The following UGT1A10 variants were observed in gnomAD, a reference collection of about 807,000 sequenced individuals.
The protein encoded by UGT1A10 is UDP glucuronosyltransferase family 1 member A10.
Under a neutral mutation model 45.8 loss-of-function variants are expected in UGT1A10, and 49 were observed. The observed-to-expected ratio is 1.07, with a 90% CI of 0.85 to 1.36. The LOEUF is 1.36. UGT1A10 is among the 40% of genes most tolerant of loss of function. The probability of loss-of-function intolerance (pLI) is 0.00; values close to 1 mark genes in which losing one functional copy is unlikely to be tolerated. For synonymous variants in UGT1A10, 284 were observed against 249.7 expected (o/e 1.14, Z -1.29); for missense variants, 745 against 668.6 (o/e 1.11, Z -1.26).
intron 1 of UGT1A10, among the ~76,000 whole-genome samples, chr2:233,653,808 G>T (rs950928389): frequency 6.6e-6 from 1 of 152,208 alleles, no homozygotes; most frequent in African/African-American, 2.4e-5. Context: ...TGTTGGCCAG[G>T]TTGGTCTTGA....
intron 1 of UGT1A10, chr2:233,744,049 A>C: frequency 1.3e-4 from 90 of 678,678 alleles, no homozygotes; most frequent in Non-Finnish European, 1.7e-4. Flanking sequence ...GCCACATCTC[A>C]TTGGTCGAGG....
chr2:233,724,740 T>G (rs2077303271), intron 1 of UGT1A10, among the ~76,000 whole-genome samples: 1 of 140,730 alleles, frequency 7.1e-6, no homozygotes, highest in South Asian at 2.6e-4. Flanking sequence ...GAGGGGCTCC[T>G]CACATCCCAG....
intron 1 of UGT1A10, among the ~76,000 whole-genome samples, chr2:233,699,825 A>G (rs556434145): frequency 1.3e-5 from 2 of 152,320 alleles, no homozygotes; most frequent in South Asian, 2.1e-4. Flanking sequence ...GTAGTTCTCA[A>G]ATAGAACTAA....
chr2:233,667,535 A>T (rs2074103725), intron 1 of UGT1A10, among the ~76,000 whole-genome samples: 1 of 152,234 alleles, frequency 6.6e-6, no homozygotes, highest in African/African-American at 2.4e-5. Context: ...GACAAATGGG[A>T]TCTCATTAAA....
chr2:233,644,802 A>G (rs2073556196), intron 1 of UGT1A10, among the ~76,000 whole-genome samples: 1 of 151,906 alleles, frequency 6.6e-6, no homozygotes. Flanking sequence ...AGTGTCTCTG[A>G]GTTATATAAA....
At position 233,725,191 on chromosome 2, in the gene UGT1A10, C is replaced by G. The variant is rs191532024; in HGVS notation, c.856-41843C>G. ...GGGAGACCGTGGGGAGAGGCAGAGG[C>G]AGAGGCAGAGGCAGAGGCAGAGGCA... On this transcript the variant is annotated intron_variant, in intron 1 of 4. Coordinates refer to ENST00000344644, the MANE Select transcript of UGT1A10 (RefSeq NM_019075.4). 5.0e-3 allele frequency among the ~76,000 whole-genome samples: 361 copies of G among 72,876 alleles called. 32 individuals carry two copies. The highest frequency in any genetic ancestry group is 0.021 in the African/African-American group (183 of 8,670). 47.8% of individuals were successfully genotyped at this position (72,876 alleles called of 152,430 possible).
intron 1 of UGT1A10, among the ~76,000 whole-genome samples, chr2:233,642,470 C>A (rs758122568): frequency 1.3e-5 from 2 of 152,180 alleles, no homozygotes; most frequent in Non-Finnish European, 2.9e-5. Context: ...ATTTTGAATT[C>A]TCTGTCTGAA....
At position 233,669,130 on chromosome 2, in the gene UGT1A10, G is replaced by A. The variant is rs2074132766; in HGVS notation, c.855+31753G>A. Among the ~76,000 whole-genome samples, 3 of 152,130 alleles carry A rather than the reference G, an allele frequency of 2.0e-5. No homozygotes were observed. The South Asian group carries it at 6.2e-4, about 32-fold the overall frequency. On this transcript the variant is annotated intron_variant, in intron 1 of 4. Transcript: ENST00000344644. ...CCCACAGAATTGCCTGTGCACCTTT[G>A]AAAAAACTTGGTTGCTCATACTTCT...
chr2:233,693,864 A>G (rs757830710), intron 1 of UGT1A10: 1 of 1,614,148 alleles, frequency 6.2e-7, no homozygotes, highest in Non-Finnish European at 8.5e-7. Context: ...GACTTGTCTC[A>G]GGTTGGTGGG....
At chr2:233,676,804 G>A (rs865906530) in intron 1 of UGT1A10, among the ~76,000 whole-genome samples, 8 of 152,124 alleles carry the variant, frequency 5.3e-5, no homozygotes, top group South Asian at 4.1e-4. Flanking sequence ...GTTTTCTTGC[G>A]TGTGAATATT....
At chr2:233,754,838 G>A (rs1298035120) in intron 1 of UGT1A10, 8 of 1,343,666 alleles carry the variant, frequency 6.0e-6, no homozygotes, top group South Asian at 1.1e-5. Context: ...GAAATTCACT[G>A]AAGGCAGAGA....
At chr2:233,715,665 G>A (rs1198946801) in intron 1 of UGT1A10, among the ~76,000 whole-genome samples, 6 of 152,076 alleles carry the variant, frequency 3.9e-5, no homozygotes, top group Non-Finnish European at 7.4e-5. Context: ...CCAGCTACTC[G>A]GGAGGCTGAG....
intron 1 of UGT1A10, among the ~76,000 whole-genome samples, chr2:233,652,616 T>A (rs564519615): frequency 3.7e-4 from 56 of 152,318 alleles, no homozygotes; most frequent in Non-Finnish European, 5.1e-4. Flanking sequence ...CTCAAAAATG[T>A]CTTGTACATG....
intron 1 of UGT1A10, among the ~76,000 whole-genome samples, chr2:233,695,121 T>TTTTATTTTC (rs2075260818): frequency 9.6e-6 from 1 of 103,914 alleles, no homozygotes. Flanking sequence ...TAACCAACCC[T>TTTTATTTTC]TTTCTTTTCT....
intron 1 of UGT1A10, chr2:233,718,953 C>T (rs369434904): frequency 1.1e-4 from 171 of 1,614,048 alleles, no homozygotes; most frequent in South Asian, 1.0e-3. Flanking sequence ...GCTCAGCATG[C>T]GGGAGGCCTT....
intron 1 of UGT1A10, among the ~76,000 whole-genome samples, chr2:233,669,449 A>G (rs1221546173): frequency 2.0e-5 from 3 of 152,126 alleles, no homozygotes. Flanking sequence ...ATTCATGAAC[A>G]TATCTATTTA....
intron 1 of UGT1A10, among the ~76,000 whole-genome samples, chr2:233,683,427 G>A (rs1397894608): frequency 6.6e-6 from 1 of 151,982 alleles, no homozygotes; most frequent in African/African-American, 2.4e-5. Flanking sequence ...GGGTTTATGA[G>A]CAATAATAAG....
At chr2:233,700,561 A>G (rs968515143) in intron 1 of UGT1A10, among the ~76,000 whole-genome samples, 3 of 152,202 alleles carry the variant, frequency 2.0e-5, no homozygotes, top group African/African-American at 7.2e-5. Context: ...TTATAAAAAT[A>G]TAACTTTATT....
chr2:233,757,867 T>C (rs1324450785), intron 1 of UGT1A10, among the ~76,000 whole-genome samples: 1 of 151,950 alleles, frequency 6.6e-6, no homozygotes. Context: ...AAAAAGAAAG[T>C]AGCTTCAAAA....
Sources: gnomAD v4.1 joint callset for allele counts (sites outside exome capture counted in the v4.1 genomes callset) on GRCh38, gnomAD v4.1.1 for gene constraint, MANE v1.5 for transcripts, NCBI Gene and HGNC (gene_info 2026-07-23, HGNC 2026-07-21) for gene names.